The following ATP13A5 variants were observed in gnomAD, a reference collection of about 807,000 sequenced individuals.
ATP13A5 encodes the protein ATPase 13A5.
ATP13A5 carries 149 observed loss-of-function variants against 150.2 expected under a neutral mutation model. The observed-to-expected ratio is 0.99, with a 90% CI of 0.87 to 1.14. The LOEUF is 1.14. Among genes scored for constraint, ATP13A5 ranks in the 50% most tolerant of loss-of-function variants. ATP13A5 has a pLI of 0.00. For synonymous variants in ATP13A5, 497 were observed against 522.2 expected (o/e 0.95, Z 0.66); for missense variants, 1,383 against 1,449.3 (o/e 0.95, Z 0.74).
chr3:193,353,733 A>G (rs1387008195), intron 6 of ATP13A5, among the ~76,000 whole-genome samples: 1 of 152,190 alleles, frequency 6.6e-6, no homozygotes, highest in East Asian at 1.9e-4. Flanking sequence ...ATGGGTCCTC[A>G]CCGGGAACTG....
chr3:193,312,076 A>G lies in ATP13A5; in HGVS notation c.2320-135T>C, dbSNP rs114048188. Reference sequence around the variant, plus strand: ...CAACAAAATAATGTGTAATTTGCCTATAGCAGTTCTACCCATAGGAAAAAA... The same window carrying G: ...CAACAAAATAATGTGTAATTTGCCTGTAGCAGTTCTACCCATAGGAAAAAA... On this transcript the variant is annotated intron_variant, in intron 19 of 29. Transcript: ENST00000342358. 6.9e-4 allele frequency: 786 copies of G among 1,133,122 alleles called. 6 individuals are homozygous for G. The African/African-American group carries it at 0.01, about 15-fold the overall frequency. The allele number at this position is 1,133,122 out of a possible 1,614,324, so 70.2% of individuals were successfully genotyped here.
At chr3:193,305,930 C>T (rs1019717891) in intron 22 of ATP13A5, among the ~76,000 whole-genome samples, 15 of 151,880 alleles carry the variant, frequency 9.9e-5, no homozygotes, top group African/African-American at 3.1e-4. Flanking sequence ...CATACAAGGG[C>T]CCTGCCTGTG....
rs1719316850 is a variant in ATP13A5 at position 193,322,451 on chromosome 3, A to G, written c.1758+40T>C. 3 of 1,437,208 alleles carry G rather than the reference A, an allele frequency of 2.1e-6. No individual in the cohort carries two copies. In the Admixed American group the frequency reaches 5.2e-5, roughly 25 times the overall value. 89.0% of individuals were successfully genotyped at this position (1,437,208 alleles called of 1,614,324 possible). ...AAGTCAGAAATGTTTTACCAGTTTTATGGGGAAAGAGCTATGTGATGTAAA... is the reference window on the plus strand; with the variant it reads ...AAGTCAGAAATGTTTTACCAGTTTTGTGGGGAAAGAGCTATGTGATGTAAA... On this transcript the variant is annotated intron_variant, in intron 15 of 29. Transcript: ENST00000342358.
chr3:193,309,935 C>T (rs1014915158), intron 21 of ATP13A5, among the ~76,000 whole-genome samples: 3 of 152,030 alleles, frequency 2.0e-5, no homozygotes, highest in African/African-American at 2.4e-5. Flanking sequence ...ACTCATGTCA[C>T]GGAGGTTTGT....
At chr3:193,306,962 A>G (rs530844355) in intron 22 of ATP13A5, among the ~76,000 whole-genome samples, 2 of 152,272 alleles carry the variant, frequency 1.3e-5, no homozygotes, top group Admixed American at 1.3e-4. Flanking sequence ...AGTCTTTATC[A>G]GTTGTGTGAC....
intron 21 of ATP13A5, among the ~76,000 whole-genome samples, chr3:193,309,707 CCT>C (rs1220042758): frequency 3.9e-5 from 6 of 152,098 alleles, no homozygotes; most frequent in African/African-American, 1.4e-4. Context: ...TGCAATGGCC[CCT>C]GTCACAAGGA....
At chr3:193,356,876 C>T (rs1712813466) in intron 5 of ATP13A5, among the ~76,000 whole-genome samples, 1 of 152,056 alleles carries the variant, frequency 6.6e-6, no homozygotes, top group Admixed American at 6.6e-5. Context: ...AGTGCATTGG[C>T]ACAGTCTAGG....
At position 193,343,933 on chromosome 3, in the gene ATP13A5, G is replaced by C. The variant is rs1417645715; in HGVS notation, c.937C>G (p.Leu313Val). 2 of 1,612,562 alleles carry C rather than the reference G, an allele frequency of 1.2e-6. No individual in the cohort carries two copies. The highest frequency in any genetic ancestry group is 1.7e-6 in the Non-Finnish European group (2 of 1,179,172). ...CTCCATGACAACTGCCTACCTGTAA[G>C]CATGCCTTCATTCACCACGCAGCTT... Reference protein sequence around the residue: ...DGSCVVNEGMLTGESIPVTKT... With the variant: ...DGSCVVNEGMVTGESIPVTKT... Residue 313 changes from leucine (L) to valine (V), a missense_variant, in exon 9 of 30, where the codon CTT (leucine) becomes GTT (valine). Transcript: ENST00000342358.
rs1324690780 is a variant in ATP13A5 at position 193,302,015 on chromosome 3, G to A, written c.2679-708C>T. Among the ~76,000 whole-genome samples the A allele has an allele frequency of 3.9e-5, 6 of 152,252 alleles. No individual in the cohort carries two copies. The East Asian group carries it at 7.7e-4, about 20-fold the overall frequency. On this transcript the variant is annotated intron_variant, in intron 23 of 29. Coordinates refer to ENST00000342358, the MANE Select transcript of ATP13A5 (RefSeq NM_198505.4). ...TTTTCTGAATGGTGGATTATGACAGGTTAGAAGAAAAAAATGTGAGGTAGC... is the reference window on the plus strand; with the variant it reads ...TTTTCTGAATGGTGGATTATGACAGATTAGAAGAAAAAAATGTGAGGTAGC...
chr3:193,318,127 T>A (rs1311060520), intron 17 of ATP13A5, among the ~76,000 whole-genome samples: 1 of 152,216 alleles, frequency 6.6e-6, no homozygotes, highest in Non-Finnish European at 1.5e-5. Context: ...AATTGCATAT[T>A]TTATAGATGG....
At chr3:193,368,781 T>C (rs558147300) in intron 1 of ATP13A5, among the ~76,000 whole-genome samples, 1 of 151,950 alleles carries the variant, frequency 6.6e-6, no homozygotes, top group South Asian at 2.1e-4. Context: ...TTGTACCATA[T>C]ACAAAAATTC....
In ATP13A5 at chr3:193,331,181, CA is replaced by C. The variant is rs763118916; in HGVS notation, c.1402del (p.Cys468ValfsTer13). 6.2e-7 allele frequency: 1 copy of C among 1,614,054 alleles called. No homozygotes were observed. The highest frequency in any genetic ancestry group is 8.5e-7 in the Non-Finnish European group (1 of 1,179,968). ...QKRLKKKKIFCISPQRINMCG... is the reference protein window; with the variant it reads ...QKRLKKKKIFXISPQRINMCG... ...CATGTTGATTCTCTGTGGGGAGATA[CA>C]GAAGATTTTCTTTTTCTTCAGTCTC... On this transcript the variant is annotated frameshift_variant, in exon 12 of 30. Coordinates refer to ENST00000342358, the MANE Select transcript of ATP13A5 (RefSeq NM_198505.4). LOFTEE classifies it high-confidence loss of function.
At chr3:193,356,744 G>T (rs11716468) in intron 5 of ATP13A5, among the ~76,000 whole-genome samples, 82,987 of 152,066 alleles carry the variant, frequency 0.55, 22,888 homozygotes, top group African/African-American at 0.62. Flanking sequence ...CATCATTAAA[G>T]TATAATGTAT....
chr3:193,286,290 T>C (rs1717719291), intron 26 of ATP13A5, among the ~76,000 whole-genome samples: 1 of 152,102 alleles, frequency 6.6e-6, no homozygotes, highest in Non-Finnish European at 1.5e-5. Flanking sequence ...CCCTGTAGTC[T>C]AGAAATGCTT....
chr3:193,305,507 C>T (rs1330593998), intron 23 of ATP13A5, 52 bp downstream of exon 23: 2 of 1,364,694 alleles, frequency 1.5e-6, no homozygotes, highest in African/African-American at 2.9e-5. Flanking sequence ...GTCTGCAGAG[C>T]CAGACAATGG....
intron 9 of ATP13A5, among the ~76,000 whole-genome samples, chr3:193,339,492 A>G (rs1448453667): frequency 1.3e-5 from 2 of 152,198 alleles, no homozygotes; most frequent in Non-Finnish European, 2.9e-5. Flanking sequence ...AAGTTTCTCT[A>G]TGATTGGTTT....
At chr3:193,307,241 T>G in intron 22 of ATP13A5, 86 bp downstream of exon 22, 1 of 1,604,050 alleles carries the variant, frequency 6.2e-7, no homozygotes, top group Non-Finnish European at 8.5e-7. Flanking sequence ...GGTGGAAGGA[T>G]GAAGAGACAA....
chr3:193,330,261 G>A (rs1288527019), intron 12 of ATP13A5, among the ~76,000 whole-genome samples: 7 of 152,044 alleles, frequency 4.6e-5, no homozygotes, highest in East Asian at 1.9e-4. Context: ...CAGCATGATC[G>A]CCATCTACAC....
At chr3:193,313,731 T>C (rs1449640538) in intron 19 of ATP13A5, 14 of 268,986 alleles carry the variant, frequency 5.2e-5, no homozygotes, top group Non-Finnish European at 5.6e-5. Context: ...AATATGAGTA[T>C]AAATCAGTAG....
Sources: gnomAD v4.1 joint callset for allele counts (sites outside exome capture counted in the v4.1 genomes callset) on GRCh38, gnomAD v4.1.1 for gene constraint, MANE v1.5 for transcripts, NCBI Gene and HGNC (gene_info 2026-07-23, HGNC 2026-07-21) for gene names.